Variants in PTPRD observed in about 807,000 individuals in gnomAD.
PTPRD encodes receptor-type tyrosine-protein phosphatase delta.
Under a neutral mutation model 214.5 loss-of-function variants are expected in PTPRD, and 34 were observed. The ratio of observed to expected loss-of-function variants is 0.16; its 90% confidence interval spans 0.12 to 0.21. PTPRD has a LOEUF of 0.21. Among genes scored for constraint, PTPRD ranks in the 10% least tolerant of loss-of-function variants. The pLI is 1.00. For missense variants in PTPRD, 2,545 were observed against 2,398.7 expected (o/e 1.06, Z -1.27); for synonymous variants, 1,128 against 845.7 (o/e 1.33, Z -5.79).
chr9:10,571,542 G>T (rs970596613), intron 2 of PTPRD, among the ~76,000 whole-genome samples: 1 of 152,122 alleles, frequency 6.6e-6, no homozygotes, highest in Non-Finnish European at 1.5e-5. Flanking sequence ...GACAGACCTT[G>T]GAACTGTATT....
intron 11 of PTPRD, among the ~76,000 whole-genome samples, chr9:8,847,463 G>C (rs2087496733): frequency 6.6e-6 from 1 of 152,040 alleles, no homozygotes; most frequent in African/African-American, 2.4e-5. Context: ...TGGCTAAATA[G>C]GCCAGTGTAT....
At chr9:9,666,573 G>T (rs1488782846) in intron 7 of PTPRD, among the ~76,000 whole-genome samples, 1 of 151,902 alleles carries the variant, frequency 6.6e-6, no homozygotes, top group Non-Finnish European at 1.5e-5. Flanking sequence ...CATCATCATG[G>T]CATGTGTCTT....
At chr9:9,682,297 G>C (rs971343042) in intron 7 of PTPRD, among the ~76,000 whole-genome samples, 1 of 151,580 alleles carries the variant, frequency 6.6e-6, no homozygotes, top group African/African-American at 2.4e-5. Context: ...AGTTATATTG[G>C]ATCCTCTTTC....
At chr9:9,054,075 T>TTGAGCTCCTGGTCCCA (rs1458869008) in intron 10 of PTPRD, among the ~76,000 whole-genome samples, 1 of 152,118 alleles carries the variant, frequency 6.6e-6, no homozygotes, top group Non-Finnish European at 1.5e-5. Context: ...ATATCATGTA[T>TTGAGCTCCTGGTCCCA]TGAGCTCCTG....
intron 2 of PTPRD, among the ~76,000 whole-genome samples, chr9:10,355,214 T>G (rs1304266210): frequency 6.6e-6 from 1 of 152,198 alleles, no homozygotes; most frequent in Non-Finnish European, 1.5e-5. Context: ...AGGCAAAATA[T>G]GTATCTTGGT....
At chr9:8,386,117 C>T (rs1237640522) in intron 37 of PTPRD, among the ~76,000 whole-genome samples, 2 of 152,150 alleles carry the variant, frequency 1.3e-5, no homozygotes, top group Non-Finnish European at 2.9e-5. Flanking sequence ...AGTCAATACC[C>T]ACAATAACCC....
At chr9:9,972,703 G>A (rs1056542660) in intron 4 of PTPRD, among the ~76,000 whole-genome samples, 3 of 152,152 alleles carry the variant, frequency 2.0e-5, no homozygotes, top group African/African-American at 7.2e-5. Flanking sequence ...TGGAGGTCCT[G>A]AGGGGACAGT....
chr9:9,108,860 T>A (rs1484549318), intron 10 of PTPRD, among the ~76,000 whole-genome samples: 1 of 152,156 alleles, frequency 6.6e-6, no homozygotes, highest in Admixed American at 6.6e-5. Context: ...AGCAATGGAA[T>A]GCAACTAAAT....
intron 7 of PTPRD, among the ~76,000 whole-genome samples, chr9:9,685,030 T>A (rs925702029): frequency 1.3e-5 from 2 of 151,480 alleles, no homozygotes; most frequent in African/African-American, 4.8e-5. Context: ...ACTTAAGAAT[T>A]ATTATCTATT....
At chr9:8,430,160 T>C (rs1590197105) in intron 35 of PTPRD, among the ~76,000 whole-genome samples, 1 of 152,248 alleles carries the variant, frequency 6.6e-6, no homozygotes, top group Non-Finnish European at 1.5e-5. Context: ...ACAGTATTTC[T>C]ATTAGAAAAC....
rs1197529746 is a variant in PTPRD at position 9,930,023 on chromosome 9, G to GAAACA, written c.-368+8479_-368+8483dup. On this transcript the variant is annotated intron_variant, in intron 5 of 45. Transcript: ENST00000381196. ...CAGGAGTCAGATACTCAGTCTGTAGGAAACAAAACAAAACAAAACACCAGA... is the reference window on the plus strand; with the variant it reads ...CAGGAGTCAGATACTCAGTCTGTAGGAAACAAAACAAAACAAAACAAAACACCAGA... Among the ~76,000 whole-genome samples, 7 of 152,194 alleles carry GAAACA rather than the reference G, an allele frequency of 4.6e-5. 1 individual carries two copies. Among genetic ancestry groups the GAAACA allele is most frequent in the Admixed American group, 2.6e-4 (4 of 15,286 alleles).
rs35366845 is a variant in PTPRD, at chr9:9,918,543, GA to G, written c.-368+19963del. Among the ~76,000 whole-genome samples the G allele has an allele frequency of 6.6e-5, 10 of 151,552 alleles. No homozygotes were observed. In the East Asian group the frequency reaches 1.7e-3, roughly 26 times the overall value. On this transcript the variant is annotated intron_variant, in intron 5 of 45. Coordinates refer to ENST00000381196, the MANE Select transcript of PTPRD (RefSeq NM_002839.4). ...GTCAAGGATATTCTTCAAATAAATA[GA>G]AAAAAAATCATAAGATGTAAATGGA...
At chr9:10,170,335 A>G (rs1305612472) in intron 3 of PTPRD, among the ~76,000 whole-genome samples, 1 of 152,200 alleles carries the variant, frequency 6.6e-6, no homozygotes, top group African/African-American at 2.4e-5. Flanking sequence ...AGCTTTTTAT[A>G]TTAGAGGACT....
chr9:8,753,772 G>C (rs2093737147), intron 11 of PTPRD, among the ~76,000 whole-genome samples: 1 of 152,200 alleles, frequency 6.6e-6, no homozygotes. Context: ...TTTCTATGCA[G>C]AAAATTAGAT....
At position 10,050,609 on chromosome 9, in the gene PTPRD, A is replaced by T. The variant is rs545556042; in HGVS notation, c.-544-16819T>A. ...AAAAAAAGACTATGTCAATTTAAAA[A>T]CTAACTCTAACTTGATTTGGGGCAA... On this transcript the variant is annotated intron_variant, in intron 3 of 45. Transcript: ENST00000381196. Among the ~76,000 whole-genome samples the T allele has an allele frequency of 4.4e-4, 66 of 148,508 alleles. 2 individuals carry two copies. The highest frequency in any genetic ancestry group is 6.0e-5 in the Non-Finnish European group (4 of 67,114).
chr9:8,631,148 C>T (rs1264713680), intron 14 of PTPRD, among the ~76,000 whole-genome samples: 2 of 151,768 alleles, frequency 1.3e-5, no homozygotes, highest in African/African-American at 2.4e-5. Flanking sequence ...TATGTATATT[C>T]AGAAATATGT....
At chr9:8,448,331 A>G (rs1322209301) in intron 34 of PTPRD, among the ~76,000 whole-genome samples, 2 of 152,136 alleles carry the variant, frequency 1.3e-5, no homozygotes, top group Non-Finnish European at 2.9e-5. Context: ...CTGTCTCAAA[A>G]AACCCATCAA....
At position 8,428,209 on chromosome 9, in the gene PTPRD, CAG is replaced by C. The variant is rs746249669; in HGVS notation, c.4086+8381_4086+8382del. On this transcript the variant is annotated intron_variant, in intron 35 of 45. Coordinates refer to ENST00000381196, the MANE Select transcript of PTPRD (RefSeq NM_002839.4). Reference sequence around the variant, plus strand: ...CAAGTAGAAAGCCCGGAGTGGCAGGCAGAGAGGTTTGGACCCAATCTGAGAAG... The same window carrying C: ...CAAGTAGAAAGCCCGGAGTGGCAGGCAGAGGTTTGGACCCAATCTGAGAAG... Among the ~76,000 whole-genome samples the C allele has an allele frequency of 3.8e-4, 58 of 152,196 alleles. 1 individual carries two copies. Among genetic ancestry groups the C allele is most frequent in the Middle Eastern group, 6.8e-3 (2 of 294 alleles).
chr9:9,324,452 A>T (rs1243031621), intron 9 of PTPRD, among the ~76,000 whole-genome samples: 2 of 151,982 alleles, frequency 1.3e-5, no homozygotes, highest in South Asian at 2.1e-4. Context: ...GATGATGAGC[A>T]TTTTTTCATG....
Sources: gnomAD v4.1 joint callset for allele counts (sites outside exome capture counted in the v4.1 genomes callset) on GRCh38, gnomAD v4.1.1 for gene constraint, MANE v1.5 for transcripts, NCBI Gene and HGNC (gene_info 2026-07-23, HGNC 2026-07-21) for gene names.